Variants in KMT2E observed in about 807,000 individuals in gnomAD.
KMT2E encodes the protein histone reader KMT2E.
A neutral mutation model predicts 184.6 loss-of-function variants in KMT2E; 30 were observed. The ratio of observed to expected loss-of-function variants is 0.16; its 90% CI spans 0.12 to 0.22. The LOEUF (loss-of-function observed/expected upper bound fraction) is 0.22. Among genes scored for constraint, KMT2E ranks in the 10% least tolerant of loss-of-function variants. KMT2E has a pLI of 1.00. For missense variants in KMT2E, 2,023 were observed against 2,237.4 expected, an observed-to-expected ratio of 0.90 and a Z score of 1.93; for synonymous variants, 815 against 776.5, an observed-to-expected ratio of 1.05 and a Z score of -0.82.
At chr7:105,075,699 C>T (rs1455206421) in intron 8 of KMT2E, among the ~76,000 whole-genome samples, 1 of 149,768 alleles carries the variant, frequency 6.7e-6, no homozygotes, top group African/African-American at 2.5e-5. Flanking sequence ...TTTTTAAAGA[C>T]AGGATCTTGC....
intron 3 of KMT2E, among the ~76,000 whole-genome samples, chr7:105,059,860 A>G (rs190853365): frequency 1.3e-5 from 2 of 151,838 alleles, no homozygotes; most frequent in East Asian, 3.9e-4. Flanking sequence ...TGCTATATTT[A>G]GATTTTCTAC....
chr7:105,039,606 G>T (rs1419503878), intron 2 of KMT2E, among the ~76,000 whole-genome samples: 1 of 152,154 alleles, frequency 6.6e-6, no homozygotes, highest in East Asian at 1.9e-4. Flanking sequence ...CATTATGGGG[G>T]AAGATTACCA....
At chr7:105,081,659 T>C (rs1797768301) in intron 12 of KMT2E, 29 bp from the exon 13 acceptor site, 1 of 1,044,902 alleles carries the variant, frequency 9.6e-7, no homozygotes, top group African/African-American at 1.6e-5. Flanking sequence ...AAGTAATTTA[T>C]GGTAATGTAC....
At chr7:105,027,409 A>G (rs977103238) in intron 1 of KMT2E, among the ~76,000 whole-genome samples, 2 of 152,158 alleles carry the variant, frequency 1.3e-5, no homozygotes, top group Non-Finnish European at 2.9e-5. Flanking sequence ...CTGGTCCCTT[A>G]TAGGACTCAT....
At chr7:105,073,711 C>A (rs758544300) in intron 7 of KMT2E, 34 bp downstream of exon 7, 6 of 1,321,936 alleles carry the variant, frequency 4.5e-6, no homozygotes, top group Non-Finnish European at 6.5e-6. Flanking sequence ...AATTAAAATT[C>A]GTGTGATTGA....
intron 15 of KMT2E, among the ~76,000 whole-genome samples, chr7:105,092,451 G>GT (rs1489347655): frequency 6.6e-6 from 1 of 152,080 alleles, no homozygotes; most frequent in Non-Finnish European, 1.5e-5. Context: ...GTGCCTGTTT[G>GT]TATCACCTTG....
intron 3 of KMT2E, among the ~76,000 whole-genome samples, chr7:105,041,952 A>G (rs941691871): frequency 2.6e-5 from 4 of 152,084 alleles, no homozygotes; most frequent in Non-Finnish European, 5.9e-5. Context: ...TTTGTATTCA[A>G]AAGCCTGCTT....
chr7:105,102,102 C>T lies in KMT2E; in HGVS notation c.2104C>T (p.Pro702Ser), dbSNP rs1252597711. The change falls in exon 17 of 27, where the codon CCA becomes TCA. Residue 702 changes from proline (P) to serine (S), a missense_variant. By Grantham distance (74) the Pro-to-Ser change is moderately conservative (BLOSUM62 -1). Coordinates refer to ENST00000311117, the MANE Select transcript of KMT2E (RefSeq NM_182931.3). Reference sequence around the variant, plus strand: ...TGAAAATACTGTACTTACAATAGAACCAGAAACTGAAACTGCACTAGCAGA... The same window carrying T: ...TGAAAATACTGTACTTACAATAGAATCAGAAACTGAAACTGCACTAGCAGA... ...DIENTVLTIE[P>S]ETETALAEII... 2 of 1,612,916 alleles carry T rather than the reference C, an allele frequency of 1.2e-6. No individual in the cohort carries two copies. The highest frequency in any genetic ancestry group is 1.7e-5 in the Admixed American group (1 of 59,944).
intron 16 of KMT2E, 138 bp from the exon 17 acceptor site, chr7:105,101,748 A>G (rs1302690972): frequency 3.1e-6 from 3 of 954,548 alleles, no homozygotes; most frequent in East Asian, 2.8e-5. Context: ...AAAAGACTAT[A>G]TATTATCTCT....
intron 13 of KMT2E, among the ~76,000 whole-genome samples, chr7:105,086,935 A>G (rs891109138): frequency 6.8e-6 from 1 of 146,858 alleles, no homozygotes; most frequent in African/African-American, 2.5e-5. Context: ...GCTACATATA[A>G]GTATATATAG....
intron 1 of KMT2E, among the ~76,000 whole-genome samples, chr7:105,030,515 C>G (rs567393254): frequency 2.0e-5 from 3 of 152,168 alleles, no homozygotes; most frequent in Non-Finnish European, 4.4e-5. Context: ...ACATTAGGAA[C>G]TTGACTGGAA....
At chr7:105,055,897 TAAG>T (rs1390147999) in intron 3 of KMT2E, among the ~76,000 whole-genome samples, 1 of 152,190 alleles carries the variant, frequency 6.6e-6, no homozygotes, top group Non-Finnish European at 1.5e-5. Context: ...GTTAGTTTCT[TAAG>T]AAGAAGGATC....
chr7:105,019,330 G>A (rs1794848783), intron 1 of KMT2E, among the ~76,000 whole-genome samples: 2 of 151,952 alleles, frequency 1.3e-5, no homozygotes, highest in Non-Finnish European at 2.9e-5. Context: ...TTTCCCTCAT[G>A]AACAGCTCAT....
intron 6 of KMT2E, among the ~76,000 whole-genome samples, chr7:105,070,488 G>A (rs1204717157): frequency 6.6e-6 from 1 of 151,796 alleles, no homozygotes; most frequent in Non-Finnish European, 1.5e-5. Context: ...ACAAAAATTA[G>A]CCGGGCATGG....
At chr7:105,035,096 C>G (rs1795587377) in intron 1 of KMT2E, among the ~76,000 whole-genome samples, 1 of 150,438 alleles carries the variant, frequency 6.6e-6, no homozygotes, top group Non-Finnish European at 1.5e-5. Flanking sequence ...ACGATCTCGG[C>G]TCACTGCACG....
intron 20 of KMT2E, among the ~76,000 whole-genome samples, 164 bp downstream of exon 20, chr7:105,106,936 T>C (rs115257566): frequency 0.014 from 2,154 of 152,316 alleles, 54 homozygotes; most frequent in African/African-American, 0.049. Flanking sequence ...TTAGATGTTT[T>C]TATTTTTACT....
chr7:105,025,113 A>G (rs902708829), intron 1 of KMT2E, among the ~76,000 whole-genome samples: 1 of 152,144 alleles, frequency 6.6e-6, no homozygotes, highest in Non-Finnish European at 1.5e-5. Flanking sequence ...TTAAGATGTA[A>G]AAGTAACATA....
At chr7:105,108,669 T>C (rs1433526863) in intron 22 of KMT2E, 18 of 445,452 alleles carry the variant, frequency 4.0e-5, no homozygotes, top group Non-Finnish European at 2.1e-5. Flanking sequence ...GTGAGTGAGT[T>C]ACTCAATTTC....
At chr7:105,090,299 T>C (rs538779334) in intron 14 of KMT2E, 26 bp downstream of exon 14, 65 of 1,563,214 alleles carry the variant, frequency 4.2e-5, no homozygotes, top group Non-Finnish European at 5.3e-5. Flanking sequence ...CTCAATGAAA[T>C]TGAATAAACA....
Sources: allele counts gnomAD v4.1 joint callset (sites outside exome capture counted in the v4.1 genomes callset), GRCh38; gene constraint gnomAD v4.1.1; transcripts MANE v1.5; gene names NCBI Gene and HGNC (gene_info 2026-07-23, HGNC 2026-07-21).